Variants in LYST observed in about 807,000 individuals in gnomAD.
LYST encodes lysosomal-trafficking regulator.
Under a neutral mutation model 413.6 loss-of-function variants are expected in LYST, and 192 were observed. The ratio of observed to expected loss-of-function variants is 0.46; its 90% CI spans 0.41 to 0.52. The LOEUF (loss-of-function observed/expected upper bound fraction) is 0.52, where lower values mean the gene tolerates loss of function less well. Among genes scored for constraint, LYST ranks in the 20% least tolerant of loss-of-function variants. The pLI is 0.00. For missense variants in LYST, 3,815 were observed against 4,499.9 expected (o/e 0.85, Z 4.35); for synonymous variants, 1,525 against 1,567.3 (o/e 0.97, Z 0.64).
rs1658292028 is a variant in LYST, at chr1:235,664,717, T to A, written c.11039-96A>T. The A allele has an allele frequency of 9.5e-7, 1 of 1,054,674 alleles. No individual in the cohort carries two copies. Among genetic ancestry groups the A allele is most frequent in the Admixed American group, 1.8e-5 (1 of 54,672 alleles). 65.3% of individuals were successfully genotyped at this position (1,054,674 alleles called of 1,614,324 possible). On this transcript the variant is annotated intron_variant, in intron 50 of 52. Transcript: ENST00000389793. The surrounding 1 kb of genome is among the most constrained non-coding windows in gnomAD (Gnocchi z 4.5). ...GGGCAACCCTGAAGGGCAAGCTCAT[T>A]TGTTTATTGATGAAGTTTGTAGACA...
chr1:235,773,495 C>T (rs1364697224), intron 19 of LYST, among the ~76,000 whole-genome samples: 2 of 152,024 alleles, frequency 1.3e-5, no homozygotes, highest in East Asian at 1.9e-4. Context: ...TGGACATATG[C>T]TACAACACAG....
intron 16 of LYST, among the ~76,000 whole-genome samples, chr1:235,777,579 A>C (rs891076702): frequency 6.6e-6 from 1 of 152,214 alleles, no homozygotes; most frequent in Non-Finnish European, 1.5e-5. Context: ...AATATATATT[A>C]AGTTATACTA....
At chr1:235,883,020 GC>G (rs1466419290) in intron 1 of LYST, among the ~76,000 whole-genome samples, 2 of 151,820 alleles carry the variant, frequency 1.3e-5, no homozygotes, top group Admixed American at 6.6e-5. Context: ...CTCTGAGCAA[GC>G]AGTCTGCAGG....
intron 47 of LYST, among the ~76,000 whole-genome samples, chr1:235,688,789 C>T (rs1331557821): frequency 6.6e-6 from 1 of 151,922 alleles, no homozygotes; most frequent in Non-Finnish European, 1.5e-5. Flanking sequence ...TCGAGACCAT[C>T]CTGGCTAACA....
In LYST at chr1:235,714,020, A is replaced by G. The variant is rs116611624; in HGVS notation, c.9784+1181T>C. Among the ~76,000 whole-genome samples, 210 of 152,226 alleles carry G rather than the reference A, an allele frequency of 1.4e-3. 1 individual carries two copies. Among genetic ancestry groups the G allele is most frequent in the Non-Finnish European group, 2.1e-3 (142 of 68,000 alleles). ...AATGTAGTCTTGGATGGAGGGAGGT[A>G]ATAGTTCTGTTAAACACTGTAGGGG... On this transcript the variant is annotated intron_variant, in intron 42 of 52. Transcript: ENST00000389793.
chr1:235,770,053 A>AG, intron 20 of LYST, 107 bp downstream of exon 20: 1 of 1,055,554 alleles, frequency 9.5e-7, no homozygotes, highest in Non-Finnish European at 1.4e-6. Flanking sequence ...AGATGGAAAA[A>AG]AAAAAGAAAA....
chr1:235,785,613 T>C (rs766739250), intron 14 of LYST, among the ~76,000 whole-genome samples: 5 of 152,218 alleles, frequency 3.3e-5, no homozygotes, highest in Non-Finnish European at 7.4e-5. Flanking sequence ...ATAGTAAGTA[T>C]GCAGTATTAT....
Position 235,855,216 on chromosome 1 carries a change from T to C in LYST, c.-98+11627A>G, listed in dbSNP as rs560468940. ...CTTAAGAAAGGAAACCAGATCTTATTTGATCAGAAAAATATGAGCATCTAA... is the reference window on the plus strand; with the variant it reads ...CTTAAGAAAGGAAACCAGATCTTATCTGATCAGAAAAATATGAGCATCTAA... On this transcript the variant is annotated intron_variant, in intron 1 of 52. Coordinates refer to ENST00000389793, the MANE Select transcript of LYST (RefSeq NM_000081.4). 2.0e-5 allele frequency among the ~76,000 whole-genome samples: 3 copies of C among 152,298 alleles called. No homozygotes were observed. In the South Asian group the frequency reaches 6.2e-4, roughly 32 times the overall value.
intron 30 of LYST, among the ~76,000 whole-genome samples, chr1:235,743,689 T>C (rs1325486626): frequency 6.6e-6 from 1 of 152,158 alleles, no homozygotes; most frequent in African/African-American, 2.4e-5. Context: ...ATAGTAGTCA[T>C]CAATGATGAT....
At chr1:235,790,537 C>G (rs1670874277) in intron 12 of LYST, among the ~76,000 whole-genome samples, 1 of 152,190 alleles carries the variant, frequency 6.6e-6, no homozygotes, top group East Asian at 1.9e-4. Flanking sequence ...ACAGAAAATT[C>G]TAGTGAAGGC....
Position 235,857,782 on chromosome 1 carries a change from CACAT to C in LYST, c.-98+9057_-98+9060del, listed in dbSNP as rs1182581144. ...ACACACACACACACACACACACACA[CACAT>C]ATATATATAAAATTTCACAAGCCAA... On this transcript the variant is annotated intron_variant, in intron 1 of 52. Transcript: ENST00000389793. 6.6e-3 allele frequency among the ~76,000 whole-genome samples: 790 copies of C among 119,558 alleles called. 9 individuals carry two copies. Among genetic ancestry groups the C allele is most frequent in the African/African-American group, 0.022 (649 of 29,290 alleles). The allele number at this position is 119,558 out of a possible 152,430, so 78.4% of individuals were successfully genotyped here.
chr1:235,725,820 G>T (rs888730112), intron 38 of LYST, among the ~76,000 whole-genome samples: 1 of 152,146 alleles, frequency 6.6e-6, no homozygotes, highest in Non-Finnish European at 1.5e-5. Flanking sequence ...ATCACTGGAA[G>T]GTTGAATCTG....
intron 20 of LYST, among the ~76,000 whole-genome samples, chr1:235,768,507 C>T (rs1185154424): frequency 6.6e-6 from 1 of 152,088 alleles, no homozygotes; most frequent in Non-Finnish European, 1.5e-5. Context: ...TCTTTATAAA[C>T]TTCCCACAAT....
intron 44 of LYST, 88 bp from the exon 45 acceptor site, chr1:235,703,065 T>C: frequency 1.0e-6 from 1 of 981,204 alleles, no homozygotes; most frequent in Non-Finnish European, 1.6e-6. Context: ...AACACTTTGT[T>C]TTATATTCTA....
At chr1:235,853,407 C>G (rs754141501) in intron 1 of LYST, among the ~76,000 whole-genome samples, 1 of 151,618 alleles carries the variant, frequency 6.6e-6, no homozygotes, top group Non-Finnish European at 1.5e-5. Flanking sequence ...TATATTTATT[C>G]TGTATTATGC....
chr1:235,751,966 T>C (rs767011816), intron 27 of LYST, 39 bp downstream of exon 27: 10 of 1,459,214 alleles, frequency 6.9e-6, no homozygotes, highest in South Asian at 1.2e-5. Context: ...TTGTCTGTTA[T>C]ACAACTCCCT....
intron 21 of LYST, among the ~76,000 whole-genome samples, chr1:235,764,502 T>TA (rs1483314899): frequency 7.1e-6 from 1 of 141,328 alleles, no homozygotes; most frequent in Non-Finnish European, 1.5e-5. Context: ...TTTCTTTTTT[T>TA]TTTTTTTTTT....
chr1:235,746,495 A>G lies in LYST; in HGVS notation c.7813T>C (p.Ser2605Pro). Residue 2605 changes from serine (S) to proline (P), a missense_variant, in exon 29 of 53, where the codon TCG becomes CCG. Coordinates refer to ENST00000389793, the MANE Select transcript of LYST (RefSeq NM_000081.4). ...ACTGAACGCATTTTCATCAGAAGCGATTCAGTTTGAGCAAGGGGAAATTTT... is the reference window on the plus strand; with the variant it reads ...ACTGAACGCATTTTCATCAGAAGCGGTTCAGTTTGAGCAAGGGGAAATTTT... The part of the protein sequence containing the change: ...PRKFPLAQTE[S>P]LLMKMRSVAN... 6.2e-7 allele frequency: 1 copy of G among 1,613,752 alleles called. No homozygotes were observed. The highest frequency in any genetic ancestry group is 8.5e-7 in the Non-Finnish European group (1 of 1,179,816).
chr1:235,693,579 A>G, intron 46 of LYST, 93 bp from the exon 47 acceptor site: 1 of 1,311,006 alleles, frequency 7.6e-7, no homozygotes, highest in Non-Finnish European at 1.1e-6. Context: ...TGAAGTTTAC[A>G]TAGCAGAACA....
Sources: gnomAD v4.1 joint callset for allele counts (sites outside exome capture counted in the v4.1 genomes callset) on GRCh38, gnomAD v4.1.1 for gene constraint, Gnocchi (gnomAD v3.1) non-coding constraint, MANE v1.5 for transcripts, NCBI Gene and HGNC (gene_info 2026-07-23, HGNC 2026-07-21) for gene names.